Variants in MAGI2 observed in about 807,000 individuals in gnomAD.
The protein encoded by MAGI2 is membrane associated guanylate kinase, WW and PDZ domain containing 2, also known as membrane-associated guanylate kinase, WW and PDZ domain-containing protein 2.
In MAGI2, 35 loss-of-function variants were observed where a neutral mutation model predicts 133.3. The observed-to-expected ratio is 0.26, with a 90% confidence interval of 0.20 to 0.35. The LOEUF (loss-of-function observed/expected upper bound fraction) is 0.35, where lower values mean the gene tolerates loss of function less well. MAGI2 is among the 10% of genes least tolerant of loss of function. The pLI, the probability that MAGI2 is intolerant of heterozygous loss-of-function variation, is 1.00. For missense variants in MAGI2, 1,636 were observed against 1,863.4 expected, an observed-to-expected ratio of 0.88 and a Z score of 2.25; for synonymous variants, 729 against 710.6, an observed-to-expected ratio of 1.03 and a Z score of -0.41.
At chr7:79,095,005 C>G (rs1035220403) in intron 1 of MAGI2, among the ~76,000 whole-genome samples, 2 of 152,108 alleles carry the variant, frequency 1.3e-5, no homozygotes, top group African/African-American at 4.8e-5. Flanking sequence ...GTCAGTCTGG[C>G]CTTAGAATCT....
chr7:78,955,710 T>TTC (rs1554310198), intron 2 of MAGI2, among the ~76,000 whole-genome samples: 1 of 125,094 alleles, frequency 8.0e-6, no homozygotes. Flanking sequence ...CCTTTCTTTC[T>TTC]TTTTCTTTCT....
At chr7:78,045,197 AAAAC>A (rs1440064689) in intron 21 of MAGI2, among the ~76,000 whole-genome samples, 1 of 152,196 alleles carries the variant, frequency 6.6e-6, no homozygotes, top group Admixed American at 6.5e-5. Context: ...TAAAATAAAT[AAAAC>A]AAAATCAAAA....
intron 2 of MAGI2, among the ~76,000 whole-genome samples, chr7:78,750,215 C>T (rs1332475231): frequency 6.6e-6 from 1 of 152,094 alleles, no homozygotes; most frequent in Non-Finnish European, 1.5e-5. Flanking sequence ...ATGAACTCAC[C>T]CTTTTTTACG....
intron 1 of MAGI2, among the ~76,000 whole-genome samples, chr7:79,085,155 C>G (rs1816377247): frequency 6.6e-6 from 1 of 151,576 alleles, no homozygotes; most frequent in South Asian, 2.1e-4. Context: ...AGTCTCTGTA[C>G]AGTTTTTCAT....
At chr7:78,586,383 C>G (rs1803415312) in intron 3 of MAGI2, among the ~76,000 whole-genome samples, 1 of 150,834 alleles carries the variant, frequency 6.6e-6, no homozygotes, top group Non-Finnish European at 1.5e-5. Context: ...CCCATAACAT[C>G]TAAGAATTTA....
At chr7:79,105,600 G>A (rs987220660) in intron 1 of MAGI2, among the ~76,000 whole-genome samples, 2 of 152,138 alleles carry the variant, frequency 1.3e-5, no homozygotes, top group African/African-American at 4.8e-5. Context: ...CTTCTCAGCT[G>A]CCTCTGTCCT....
intron 2 of MAGI2, among the ~76,000 whole-genome samples, chr7:78,903,558 TG>T (rs1413517581): frequency 1.3e-5 from 2 of 152,116 alleles, no homozygotes; most frequent in Non-Finnish European, 2.9e-5. Flanking sequence ...TGGAACACAA[TG>T]GTAGTACAGA....
chr7:78,955,729 CTT>C (rs1562712818), intron 2 of MAGI2, among the ~76,000 whole-genome samples: 3,583 of 35,390 alleles, frequency 0.1, 64 homozygotes, highest in African/African-American at 0.12. Context: ...CTTTCTCTTT[CTT>C]TCTTTCTTTC....
intron 9 of MAGI2, among the ~76,000 whole-genome samples, chr7:78,313,628 A>C (rs1392796530): frequency 2.2e-5 from 3 of 139,396 alleles, no homozygotes; most frequent in Non-Finnish European, 3.1e-5. Context: ...TGCTATTGGT[A>C]CAAAAAAAAA....
chr7:78,227,284 A>G (rs1211319842), intron 10 of MAGI2, among the ~76,000 whole-genome samples: 1 of 152,224 alleles, frequency 6.6e-6, no homozygotes, highest in East Asian at 1.9e-4. Flanking sequence ...GGTCATCATC[A>G]TTGCTCATTA....
intron 9 of MAGI2, among the ~76,000 whole-genome samples, chr7:78,288,485 C>T (rs551727767): frequency 2.6e-5 from 4 of 152,244 alleles, no homozygotes; most frequent in East Asian, 3.9e-4. Flanking sequence ...TCAGGAAATA[C>T]GGTAAGGGCA....
Position 78,269,263 on chromosome 7 carries a change from T to C in MAGI2, c.1409-12682A>G, listed in dbSNP as rs1027313725. Among the ~76,000 whole-genome samples the C allele has an allele frequency of 5.3e-5, 8 of 152,224 alleles. No individual in the cohort carries two copies. The South Asian group carries it at 1.7e-3, about 32-fold the overall frequency. On this transcript the variant is annotated intron_variant, in intron 9 of 21. Coordinates refer to ENST00000354212, the MANE Select transcript of MAGI2 (RefSeq NM_012301.4). ...ATAAACATATTTGTGCATGAGTCCT[T>C]ATAGTAGAATGATATATGATCCTTT...
At chr7:78,709,277 C>T (rs75830450) in intron 2 of MAGI2, among the ~76,000 whole-genome samples, 1 of 151,364 alleles carries the variant, frequency 6.6e-6, no homozygotes, top group Non-Finnish European at 1.5e-5. Flanking sequence ...CTGCAACATA[C>T]ACACCCCCAC....
At chr7:79,422,194 G>A (rs1335976139) in intron 1 of MAGI2, among the ~76,000 whole-genome samples, 1 of 152,024 alleles carries the variant, frequency 6.6e-6, no homozygotes, top group East Asian at 1.9e-4. Flanking sequence ...TTAGGAAATA[G>A]AGTGGAGTTA....
rs1807557952 is a variant in MAGI2 at position 79,007,299 on chromosome 7, A to G, written c.302-93T>C. 24 of 667,108 alleles carry G rather than the reference A, an allele frequency of 3.6e-5. 1 individual carries two copies. The South Asian group carries it at 4.0e-4, about 11-fold the overall frequency. The allele number at this position is 667,108 out of a possible 1,614,324, so 41.3% of individuals were successfully genotyped here. Reference sequence around the variant, plus strand: ...TCATCAATATACTCAGGAACCCATTAAAAAGATGCATTATTTCAAAGTGTT... The same window carrying G: ...TCATCAATATACTCAGGAACCCATTGAAAAGATGCATTATTTCAAAGTGTT... On this transcript the variant is annotated intron_variant, in intron 1 of 21. Coordinates refer to ENST00000354212, the MANE Select transcript of MAGI2 (RefSeq NM_012301.4).
chr7:79,037,234 T>C (rs999639031), intron 1 of MAGI2, among the ~76,000 whole-genome samples: 2 of 152,184 alleles, frequency 1.3e-5, no homozygotes, highest in African/African-American at 4.8e-5. Context: ...AAATGTTCCA[T>C]GGTCAAATAA....
At chr7:79,239,787 C>T (rs1365446713) in intron 1 of MAGI2, among the ~76,000 whole-genome samples, 2 of 152,110 alleles carry the variant, frequency 1.3e-5, no homozygotes, top group East Asian at 3.9e-4. Flanking sequence ...GCCACATTAC[C>T]CACAAAATGA....
At chr7:78,349,549 TG>T (rs1322787213) in intron 7 of MAGI2, among the ~76,000 whole-genome samples, 2 of 152,212 alleles carry the variant, frequency 1.3e-5, no homozygotes, top group Non-Finnish European at 2.9e-5. Flanking sequence ...ACCTGCTTTA[TG>T]GTCACTATGT....
chr7:78,682,919 T>G (rs1383245933), intron 2 of MAGI2, among the ~76,000 whole-genome samples: 1 of 152,190 alleles, frequency 6.6e-6, no homozygotes, highest in African/African-American at 2.4e-5. Context: ...CTGTTTTGCT[T>G]TATTGTGTGT....
Sources: allele counts gnomAD v4.1 joint callset (sites outside exome capture counted in the v4.1 genomes callset), GRCh38; gene constraint gnomAD v4.1.1; transcripts MANE v1.5; gene names NCBI Gene and HGNC (gene_info 2026-07-23, HGNC 2026-07-21).